SLIT3: variants seen among roughly 807,000 people sequenced by gnomAD.
SLIT3 encodes the protein slit guidance ligand 3, also known as slit homolog 3 protein.
Under a neutral mutation model 184.0 loss-of-function variants are expected in SLIT3, and 68 were observed. The ratio of observed to expected loss-of-function variants is 0.37; its 90% CI spans 0.30 to 0.45. The LOEUF is 0.45. SLIT3 is among the 20% of genes least tolerant of loss of function. SLIT3 has a pLI of 1.00. For missense variants in SLIT3, 1,707 were observed against 2,026.0 expected (o/e 0.84, Z 3.02); for synonymous variants, 831 against 828.6 (o/e 1.00, Z -0.05).
chr5:168,703,626 C>T (rs935693148), intron 26 of SLIT3, among the ~76,000 whole-genome samples: 10 of 152,000 alleles, frequency 6.6e-5, no homozygotes, highest in Admixed American at 6.6e-5. Flanking sequence ...TGAAACTGGT[C>T]CCTGGTGCCA....
intron 8 of SLIT3, among the ~76,000 whole-genome samples, chr5:168,810,577 G>C (rs999228806): frequency 2.0e-5 from 3 of 152,230 alleles, no homozygotes; most frequent in African/African-American, 7.2e-5. Flanking sequence ...AGGGGGCTGA[G>C]GATGTGGCTC....
At chr5:168,995,345 T>G (rs1755475582) in intron 4 of SLIT3, 1 of 152,256 alleles carries the variant, frequency 6.6e-6, no homozygotes, top group Admixed American at 6.5e-5. Context: ...TCCAACAGGA[T>G]GGACATGCCA....
intron 4 of SLIT3, among the ~76,000 whole-genome samples, chr5:169,137,356 A>AGAGAGAGAGAGAG (rs56409844): frequency 2.6e-5 from 4 of 151,602 alleles, no homozygotes; most frequent in Middle Eastern, 3.4e-3. Flanking sequence ...AGAGAGAGAG[A>AGAGAGAGAGAGAG]AACAGTTTGC....
chr5:168,818,080 T>G (rs950049561), intron 7 of SLIT3, among the ~76,000 whole-genome samples: 1 of 151,878 alleles, frequency 6.6e-6, no homozygotes, highest in Non-Finnish European at 1.5e-5. Context: ...GTACCTTCTT[T>G]CCACCCTCCC....
chr5:169,185,063 C>G (rs1325489726), intron 4 of SLIT3, among the ~76,000 whole-genome samples: 1 of 152,210 alleles, frequency 6.6e-6, no homozygotes, highest in Admixed American at 6.5e-5. Flanking sequence ...CCCAGGCCTT[C>G]ATCCCTGGCT....
intron 10 of SLIT3, chr5:168,789,878 C>T (rs982610904): frequency 5.9e-5 from 27 of 459,120 alleles, no homozygotes; most frequent in Non-Finnish European, 9.3e-5. Flanking sequence ...GTGGCATCTT[C>T]ATCGGGACAC....
At chr5:169,133,111 T>C (rs554269705) in intron 4 of SLIT3, among the ~76,000 whole-genome samples, 35 of 152,334 alleles carry the variant, frequency 2.3e-4, no homozygotes, top group Non-Finnish European at 4.1e-4. Context: ...CTGTAGTTTA[T>C]GATCTGCACC....
intron 12 of SLIT3, among the ~76,000 whole-genome samples, chr5:168,778,055 C>A (rs1411395535): frequency 6.6e-6 from 1 of 152,280 alleles, no homozygotes; most frequent in East Asian, 1.9e-4. Flanking sequence ...GGGATGGATT[C>A]CCCCTTTTTG....
intron 3 of SLIT3, among the ~76,000 whole-genome samples, chr5:169,224,590 A>T (rs982693049): frequency 1.5e-4 from 22 of 151,606 alleles, no homozygotes; most frequent in African/African-American, 5.3e-4. Flanking sequence ...CTGGTTTTGA[A>T]CTCCTGAGCT....
chr5:169,028,269 G>C (rs1756901316), intron 4 of SLIT3, among the ~76,000 whole-genome samples: 1 of 151,924 alleles, frequency 6.6e-6, no homozygotes, highest in African/African-American at 2.4e-5. Context: ...TGTGAATTAT[G>C]TACTTCAGAG....
At chr5:168,840,099 A>G (rs1335594872) in intron 6 of SLIT3, among the ~76,000 whole-genome samples, 1 of 152,244 alleles carries the variant, frequency 6.6e-6, no homozygotes, top group Non-Finnish European at 1.5e-5. Flanking sequence ...TTGGCAAGTG[A>G]CATAAATGGG....
chr5:168,686,836 A>C (rs1761758150), intron 30 of SLIT3, 143 bp downstream of exon 30: 1 of 862,544 alleles, frequency 1.2e-6, no homozygotes, highest in Non-Finnish European at 1.8e-6. Flanking sequence ...CTGCAAAGGT[A>C]TCAGGGGAAT....
chr5:169,109,612 A>G (rs746996366), intron 4 of SLIT3, among the ~76,000 whole-genome samples: 4 of 152,194 alleles, frequency 2.6e-5, no homozygotes, highest in Non-Finnish European at 5.9e-5. Flanking sequence ...CTAGGCTTTT[A>G]ATCACACTTT....
At chr5:169,193,256 C>A (rs1273046611) in intron 4 of SLIT3, among the ~76,000 whole-genome samples, 1 of 152,312 alleles carries the variant, frequency 6.6e-6, no homozygotes, top group East Asian at 1.9e-4. Flanking sequence ...CATCACTAGT[C>A]CTCACTGGTC....
At chr5:168,981,242 A>G (rs1173661903) in intron 4 of SLIT3, among the ~76,000 whole-genome samples, 1 of 152,178 alleles carries the variant, frequency 6.6e-6, no homozygotes, top group Non-Finnish European at 1.5e-5. Flanking sequence ...CAGTTTATTC[A>G]TTAATATGCA....
At chr5:169,034,823 G>A (rs1046956444) in intron 4 of SLIT3, among the ~76,000 whole-genome samples, 1 of 149,770 alleles carries the variant, frequency 6.7e-6, no homozygotes, top group Admixed American at 6.7e-5. Flanking sequence ...ACTGCTTACT[G>A]CAGCCTTGAC....
intron 6 of SLIT3, among the ~76,000 whole-genome samples, chr5:168,842,304 CA>C (rs957652577): frequency 6.6e-6 from 1 of 151,964 alleles, no homozygotes; most frequent in Non-Finnish European, 1.5e-5. Context: ...GTCTTTAAAA[CA>C]AAGCTATTGA....
At chr5:169,233,768 C>G (rs1042971113) in intron 3 of SLIT3, among the ~76,000 whole-genome samples, 1 of 151,924 alleles carries the variant, frequency 6.6e-6, no homozygotes, top group Non-Finnish European at 1.5e-5. Flanking sequence ...TTCCTTGGTT[C>G]TGTGGTTTTT....
At chr5:168,986,737 G>C (rs940488836) in intron 4 of SLIT3, among the ~76,000 whole-genome samples, 1 of 152,210 alleles carries the variant, frequency 6.6e-6, no homozygotes, top group Non-Finnish European at 1.5e-5. Context: ...GTGACCATGG[G>C]TGAGTGACCA....
Sources: gnomAD v4.1 joint callset for allele counts (sites outside exome capture counted in the v4.1 genomes callset) on GRCh38, gnomAD v4.1.1 for gene constraint, MANE v1.5 for transcripts, NCBI Gene and HGNC (gene_info 2026-07-23, HGNC 2026-07-21) for gene names.